Variants in NBEA observed in about 807,000 individuals in gnomAD.
The protein encoded by NBEA is lysosomal-trafficking regulator 2.
Under a neutral mutation model 343.4 loss-of-function variants are expected in NBEA, and 44 were observed. The observed-to-expected ratio is 0.13, with a 90% CI of 0.10 to 0.16. The LOEUF (loss-of-function observed/expected upper bound fraction) is 0.16. Among genes scored for constraint, NBEA ranks in the 10% least tolerant of loss-of-function variants. The probability of loss-of-function intolerance (pLI) is 1.00; values close to 1 mark genes in which losing one functional copy is unlikely to be tolerated. For synonymous variants in NBEA, 1,175 were observed against 1,238.7 expected, an observed-to-expected ratio of 0.95 and a Z score of 1.08; for missense variants, 2,555 against 3,631.3, an observed-to-expected ratio of 0.70 and a Z score of 7.62.
At chr13:35,038,030 C>A (rs2062512797) in intron 1 of NBEA, among the ~76,000 whole-genome samples, 1 of 152,160 alleles carries the variant, frequency 6.6e-6, no homozygotes, top group African/African-American at 2.4e-5. Flanking sequence ...ATCTACCTGG[C>A]ATTCTGTTGT....
At chr13:35,013,341 G>C (rs902989768) in intron 1 of NBEA, among the ~76,000 whole-genome samples, 6 of 151,986 alleles carry the variant, frequency 3.9e-5, no homozygotes, top group African/African-American at 1.2e-4. Context: ...TACAAAATTT[G>C]TGGAATAGGA....
chr13:35,177,284 A>G (rs1359427957), intron 28 of NBEA, among the ~76,000 whole-genome samples, 181 bp downstream of exon 28: 2 of 151,878 alleles, frequency 1.3e-5, no homozygotes, highest in Non-Finnish European at 2.9e-5. Flanking sequence ...CTTATTGATA[A>G]TGTTACTTTT....
intron 48 of NBEA, among the ~76,000 whole-genome samples, chr13:35,608,956 G>C (rs2082396233): frequency 6.6e-6 from 1 of 152,152 alleles, no homozygotes; most frequent in African/African-American, 2.4e-5. Flanking sequence ...CAGTATGCCA[G>C]CTACCTCTGA....
chr13:35,449,165 G>A (rs2046181988), intron 39 of NBEA, among the ~76,000 whole-genome samples: 1 of 152,244 alleles, frequency 6.6e-6, no homozygotes, highest in African/African-American at 2.4e-5. Flanking sequence ...GCCATGCTAA[G>A]AAGTTTGGAT....
chr13:35,478,698 G>T lies in NBEA; in HGVS notation c.6585+6162G>T, dbSNP rs577468949. 2.6e-5 allele frequency among the ~76,000 whole-genome samples: 4 copies of T among 152,328 alleles called. No individual in the cohort carries two copies. The South Asian group carries it at 8.3e-4, about 32-fold the overall frequency. On this transcript the variant is annotated intron_variant, in intron 41 of 58. Transcript: ENST00000379939. ...GCACCCCTCAGCCTGCACCGCCCACGTCCGGCCCAGGTGTGGTCGCAGCCA... is the reference window on the plus strand; with the variant it reads ...GCACCCCTCAGCCTGCACCGCCCACTTCCGGCCCAGGTGTGGTCGCAGCCA...
Position 35,029,003 on chromosome 13 carries a change from GTTA to G in NBEA, c.295-11925_295-11923del, listed in dbSNP as rs1163619572. 2.6e-5 allele frequency among the ~76,000 whole-genome samples: 4 copies of G among 151,480 alleles called. No individual in the cohort carries two copies. In the East Asian group the frequency reaches 5.8e-4, roughly 22 times the overall value. ...CATTGTATGGACTATATTATTAAAA[GTTA>G]TTATAAATTTTTAATAATTAAGACT... On this transcript the variant is annotated intron_variant, in intron 1 of 58. Coordinates refer to ENST00000379939, the MANE Select transcript of NBEA (RefSeq NM_001385012.1).
At chr13:35,669,346 A>G (rs887842528) in intron 58 of NBEA, among the ~76,000 whole-genome samples, 4 of 152,212 alleles carry the variant, frequency 2.6e-5, no homozygotes, top group Non-Finnish European at 2.9e-5. Flanking sequence ...TTGTTAATCA[A>G]CGTTTTTCCC....
chr13:35,267,207 G>A (rs552897958), intron 34 of NBEA, among the ~76,000 whole-genome samples: 1 of 151,964 alleles, frequency 6.6e-6, no homozygotes, highest in African/African-American at 2.4e-5. Flanking sequence ...TCAAAGCTGT[G>A]TCTTTCAAGG....
intron 34 of NBEA, among the ~76,000 whole-genome samples, chr13:35,277,037 G>A (rs1026442714): frequency 1.3e-5 from 2 of 152,150 alleles, no homozygotes; most frequent in African/African-American, 4.8e-5. Flanking sequence ...TGCAACATAA[G>A]CATCTGTGGC....
chr13:35,119,205 AAC>A (rs2066660758), intron 16 of NBEA, among the ~76,000 whole-genome samples: 1 of 152,200 alleles, frequency 6.6e-6, no homozygotes, highest in Non-Finnish European at 1.5e-5. Flanking sequence ...TTATGAACTT[AAC>A]CCTATCATTT....
intron 1 of NBEA, among the ~76,000 whole-genome samples, chr13:35,034,833 A>G (rs2062379501): frequency 6.6e-6 from 1 of 151,930 alleles, no homozygotes; most frequent in Non-Finnish European, 1.5e-5. Flanking sequence ...TGCTCACAGT[A>G]GCCACTAATG....
At chr13:35,611,127 C>T (rs750128671) in intron 48 of NBEA, among the ~76,000 whole-genome samples, 13 of 151,606 alleles carry the variant, frequency 8.6e-5, no homozygotes, top group Admixed American at 6.6e-5. Flanking sequence ...TGGTACAAAA[C>T]AGTTTGGTTG....
chr13:34,963,455 C>T (rs1315826823), intron 1 of NBEA, among the ~76,000 whole-genome samples: 3 of 151,942 alleles, frequency 2.0e-5, no homozygotes, highest in Non-Finnish European at 2.9e-5. Context: ...CTGTGTTCCC[C>T]CCAAAATTCA....
chr13:35,017,477 G>C (rs1200502274), intron 1 of NBEA, among the ~76,000 whole-genome samples: 1 of 152,084 alleles, frequency 6.6e-6, no homozygotes, highest in African/African-American at 2.4e-5. Context: ...TTCCATACTT[G>C]GTGTTGTCAG....
At chr13:35,578,215 G>C (rs2080842210) in intron 45 of NBEA, among the ~76,000 whole-genome samples, 1 of 152,164 alleles carries the variant, frequency 6.6e-6, no homozygotes, top group Non-Finnish European at 1.5e-5. Flanking sequence ...AAAACGTCTA[G>C]CCACTGACTA....
At chr13:35,615,455 T>A (rs946135677) in intron 48 of NBEA, among the ~76,000 whole-genome samples, 1 of 152,104 alleles carries the variant, frequency 6.6e-6, no homozygotes, top group South Asian at 2.1e-4. Flanking sequence ...GTGATTCTCC[T>A]GCCTCACCCT....
chr13:35,075,861 G>C (rs1192971032), intron 10 of NBEA, among the ~76,000 whole-genome samples: 1 of 151,918 alleles, frequency 6.6e-6, no homozygotes, highest in African/African-American at 2.4e-5. Flanking sequence ...AACTGCCTTA[G>C]CCAGATTTCC....
Position 35,196,177 on chromosome 13 carries a change from G to A in NBEA, c.5241G>A (p.Leu1747=). The A allele has an allele frequency of 1.2e-6, 2 of 1,613,638 alleles. No individual in the cohort carries two copies. The highest frequency in any genetic ancestry group is 1.1e-5 in the South Asian group (1 of 91,078). Residue 1747 remains leucine, a synonymous_variant, in exon 31 of 59, where the codon CTG becomes CTA. Transcript: ENST00000379939. ...AAGGCATCAATGTGAAGGAAATACTGAAAAGTCTTGTGGCTGCTCCAGTTG... is the reference window on the plus strand; with the variant it reads ...AAGGCATCAATGTGAAGGAAATACTAAAAAGTCTTGTGGCTGCTCCAGTTG... ...QTKGINVKEI[L]KSLVAAPVEI...
intron 49 of NBEA, among the ~76,000 whole-genome samples, chr13:35,641,116 A>G (rs1443278673): frequency 2.6e-5 from 4 of 152,124 alleles, no homozygotes. Flanking sequence ...GAGACAATTG[A>G]GTTTTGATAT....
Sources: gnomAD v4.1 joint callset for allele counts (sites outside exome capture counted in the v4.1 genomes callset) on GRCh38, gnomAD v4.1.1 for gene constraint, MANE v1.5 for transcripts, NCBI Gene and HGNC (gene_info 2026-07-23, HGNC 2026-07-21) for gene names.